The following SLC24A4 variants were observed in gnomAD, a reference collection of about 807,000 sequenced individuals.
The protein encoded by SLC24A4 is solute carrier family 24 member 4, also known as sodium/potassium/calcium exchanger 4.
Under a neutral mutation model 79.0 loss-of-function variants are expected in SLC24A4, and 53 were observed. The observed-to-expected ratio is 0.67, with a 90% confidence interval of 0.54 to 0.84. The LOEUF (loss-of-function observed/expected upper bound fraction) is 0.84, where lower values mean the gene tolerates loss of function less well. Ranked by LOEUF, SLC24A4 falls within the 40% of genes least tolerant of loss-of-function variation. The pLI, the probability that SLC24A4 is intolerant of heterozygous loss-of-function variation, is 0.00. For missense variants in SLC24A4, 731 were observed against 822.0 expected (o/e 0.89, Z 1.35); for synonymous variants, 323 against 323.8 (o/e 1.00, Z 0.03).
At chr14:92,395,105 T>C (rs1326070050) in intron 2 of SLC24A4, among the ~76,000 whole-genome samples, 1 of 152,226 alleles carries the variant, frequency 6.6e-6, no homozygotes, top group African/African-American at 2.4e-5. Context: ...TGGCTCGGAA[T>C]GTGACCCCAG....
At chr14:92,417,963 G>A (rs555555853) in intron 2 of SLC24A4, among the ~76,000 whole-genome samples, 4 of 152,272 alleles carry the variant, frequency 2.6e-5, no homozygotes, top group East Asian at 1.9e-4. Context: ...AGTAACACAC[G>A]ACTACAGTTG....
At chr14:92,428,564 C>T (rs760331911) in intron 2 of SLC24A4, among the ~76,000 whole-genome samples, 20 of 152,172 alleles carry the variant, frequency 1.3e-4, no homozygotes, top group African/African-American at 3.4e-4. Flanking sequence ...GGATGGGAGG[C>T]CATGCAATGA....
In SLC24A4 at chr14:92,349,080, T is replaced by TA. The variant is rs111411964; in HGVS notation, c.241+23113dup. Among the ~76,000 whole-genome samples, 994 of 140,148 alleles carry TA rather than the reference T, an allele frequency of 7.1e-3. 12 individuals carry two copies. The highest frequency in any genetic ancestry group is 0.02 in the African/African-American group (748 of 38,192). 91.9% of individuals were successfully genotyped at this position (140,148 alleles called of 152,430 possible). On this transcript the variant is annotated intron_variant, in intron 2 of 16. Transcript: ENST00000532405. Reference sequence around the variant, plus strand: ...AATGGGATAACCCCCCTCTTCCAGGTAAAAAAAAAAAGGCCTGTGTAAGGA... The same window carrying TA: ...AATGGGATAACCCCCCTCTTCCAGGTAAAAAAAAAAAAGGCCTGTGTAAGGA...
At chr14:92,488,177 T>C (rs1895484545) in intron 14 of SLC24A4, among the ~76,000 whole-genome samples, 1 of 151,792 alleles carries the variant, frequency 6.6e-6, no homozygotes, top group Non-Finnish European at 1.5e-5. Flanking sequence ...GTTCAAGCGG[T>C]TCTCCTGCCT....
intron 2 of SLC24A4, among the ~76,000 whole-genome samples, chr14:92,366,950 G>A (rs1204216387): frequency 6.6e-6 from 1 of 152,186 alleles, no homozygotes; most frequent in Non-Finnish European, 1.5e-5. Context: ...GGGGTGTCTT[G>A]TTCTGGGGTC....
At chr14:92,483,035 C>T (rs1895151019) in intron 13 of SLC24A4, among the ~76,000 whole-genome samples, 189 bp downstream of exon 13, 1 of 152,072 alleles carries the variant, frequency 6.6e-6, no homozygotes, top group Non-Finnish European at 1.5e-5. Flanking sequence ...ACCCGGAATG[C>T]AGAGACACAG....
intron 2 of SLC24A4, among the ~76,000 whole-genome samples, chr14:92,404,251 C>A (rs1890258673): frequency 6.6e-6 from 1 of 152,214 alleles, no homozygotes; most frequent in East Asian, 1.9e-4. Context: ...GTCTTGCTTT[C>A]TTTTGCTCTT....
At position 92,491,787 on chromosome 14, in the gene SLC24A4, T is replaced by C. The variant is rs753499867; in HGVS notation, c.1650+10T>C. ...TAATTATGGATCAACAGTAAGTTCC[T>C]CTCACCTTTAACAGATGTGTTTTAC... is the stretch of plus-strand genomic sequence containing the variant. On this transcript the variant is annotated intron_variant, in intron 15 of 16. Coordinates refer to ENST00000532405, the MANE Select transcript of SLC24A4 (RefSeq NM_153646.4). The C allele has an allele frequency of 1.8e-5, 29 of 1,594,406 alleles. No homozygotes were observed. The highest frequency in any genetic ancestry group is 2.2e-5 in the Non-Finnish European group (26 of 1,162,090).
chr14:92,469,448 G>A (rs1894312301), intron 12 of SLC24A4, among the ~76,000 whole-genome samples: 5 of 151,668 alleles, frequency 3.3e-5, no homozygotes, highest in South Asian at 4.2e-4. Flanking sequence ...GGCAGAGCTC[G>A]CAGTGAGCCG....
At chr14:92,417,451 T>TA (rs1459260598) in intron 2 of SLC24A4, among the ~76,000 whole-genome samples, 1 of 152,220 alleles carries the variant, frequency 6.6e-6, no homozygotes, top group Non-Finnish European at 1.5e-5. Context: ...TCAAAAAGCT[T>TA]AAAAAATTTA....
chr14:92,399,671 G>A (rs1409611086), intron 2 of SLC24A4, among the ~76,000 whole-genome samples: 1 of 152,162 alleles, frequency 6.6e-6, no homozygotes, highest in Non-Finnish European at 1.5e-5. Flanking sequence ...AGCTGGTTTT[G>A]CGCTATGAAG....
intron 2 of SLC24A4, among the ~76,000 whole-genome samples, chr14:92,399,406 A>G (rs1490733605): frequency 1.3e-5 from 2 of 152,226 alleles, no homozygotes; most frequent in Non-Finnish European, 2.9e-5. Context: ...TGAGTCAAAT[A>G]TATCTAGAAG....
intron 2 of SLC24A4, among the ~76,000 whole-genome samples, chr14:92,362,617 G>A (rs938851147): frequency 6.6e-6 from 1 of 152,120 alleles, no homozygotes; most frequent in Non-Finnish European, 1.5e-5. Context: ...AGGAGCTGCC[G>A]GGGGATGGAC....
At chr14:92,383,708 CGA>C (rs1662068342) in intron 2 of SLC24A4, among the ~76,000 whole-genome samples, 1 of 152,162 alleles carries the variant, frequency 6.6e-6, no homozygotes. Context: ...TGACCGGCAC[CGA>C]ATGGGCTTGA....
chr14:92,438,414 G>A (rs781363545), intron 3 of SLC24A4, among the ~76,000 whole-genome samples: 17 of 151,956 alleles, frequency 1.1e-4, no homozygotes, highest in Non-Finnish European at 2.5e-4. Flanking sequence ...AACCAGCCTG[G>A]AAAACATAGT....
At chr14:92,492,053 C>G (rs1435368349) in intron 15 of SLC24A4, 122 bp from the exon 16 acceptor site, 2 of 883,994 alleles carry the variant, frequency 2.3e-6, no homozygotes, top group Non-Finnish European at 3.6e-6. Flanking sequence ...ACCATGTGGT[C>G]ACCTGTAAAC....
chr14:92,416,826 G>A (rs1401786327), intron 2 of SLC24A4, among the ~76,000 whole-genome samples: 2 of 152,212 alleles, frequency 1.3e-5, no homozygotes, highest in African/African-American at 4.8e-5. Flanking sequence ...ATAAGAATAA[G>A]CACCAAGCCT....
chr14:92,427,678 T>C (rs775763782), intron 2 of SLC24A4, among the ~76,000 whole-genome samples: 2 of 152,162 alleles, frequency 1.3e-5, no homozygotes, highest in Admixed American at 6.5e-5. Context: ...CTGCAGGAAA[T>C]AGAATCCATG....
intron 12 of SLC24A4, among the ~76,000 whole-genome samples, chr14:92,466,965 C>A (rs937172776): frequency 3.9e-5 from 6 of 152,228 alleles, no homozygotes; most frequent in African/African-American, 2.4e-5. Context: ...GTGAAAACAA[C>A]CTCTGAGGTG....
Sources: allele counts gnomAD v4.1 joint callset (sites outside exome capture counted in the v4.1 genomes callset), GRCh38; gene constraint gnomAD v4.1.1; transcripts MANE v1.5; gene names NCBI Gene and HGNC (gene_info 2026-07-23, HGNC 2026-07-21).